PCLO: variants seen among roughly 807,000 people sequenced by gnomAD.
PCLO encodes the protein protein piccolo.
PCLO carries 82 observed loss-of-function variants against 427.5 expected under a neutral mutation model. That is an observed-to-expected ratio of 0.19 (90% confidence interval 0.16 to 0.23). The LOEUF is 0.23. PCLO is among the 10% of genes least tolerant of loss of function. The pLI is 1.00. For missense variants in PCLO, 6,239 were observed against 6,115.9 expected, an observed-to-expected ratio of 1.02 and a Z score of -0.67; for synonymous variants, 2,357 against 2,155.4, an observed-to-expected ratio of 1.09 and a Z score of -2.59.
At chr7:83,129,170 C>G (rs1288863349) in intron 3 of PCLO, among the ~76,000 whole-genome samples, 1 of 152,122 alleles carries the variant, frequency 6.6e-6, no homozygotes, top group Non-Finnish European at 1.5e-5. Context: ...CTCTCAGATA[C>G]TCATTCTCCT....
intron 3 of PCLO, among the ~76,000 whole-genome samples, chr7:83,080,475 C>T (rs886484574): frequency 6.6e-6 from 1 of 151,946 alleles, no homozygotes; most frequent in African/African-American, 2.4e-5. Context: ...TTTTTTTATA[C>T]TTAATAAGCA....
At chr7:83,145,945 T>C (rs1791983775) in intron 2 of PCLO, among the ~76,000 whole-genome samples, 1 of 152,204 alleles carries the variant, frequency 6.6e-6, no homozygotes, top group Non-Finnish European at 1.5e-5. Context: ...ATGATTAATT[T>C]ATCAAGAGGG....
chr7:82,950,399 T>C lies in PCLO; in HGVS notation c.10189A>G (p.Ile3397Val), dbSNP rs779122224. ...TTCACAACAACATCTGTTAGAGGTA[T>C]TTCTGAAACAGTGCTCAGGATACCA... ...PPGILSTVSE[I>V]PLTDVVVKEE... The change falls in exon 6 of 25, where the codon ATA becomes GTA. Residue 3397 changes from isoleucine (I) to valine (V), a missense_variant. Ile to Val is a conservative substitution (Grantham distance 29). Transcript: ENST00000333891. The C allele has an allele frequency of 1.9e-6, 3 of 1,613,774 alleles. No homozygotes were observed. The highest frequency in any genetic ancestry group is 2.2e-5 in the East Asian group (1 of 44,846).
Position 82,951,988 on chromosome 7 carries a change from C to T in PCLO, c.8965G>A (p.Gly2989Arg). The T allele has an allele frequency of 1.2e-6, 2 of 1,613,834 alleles. No individual in the cohort carries two copies. The highest frequency in any genetic ancestry group is 1.3e-5 in the African/African-American group (1 of 75,006). The change falls in exon 5 of 25, where the codon GGA becomes AGA. Residue 2989 changes from glycine (G) to arginine (R), a missense_variant. By Grantham distance (125) the Gly-to-Arg change is moderately radical (BLOSUM62 -2). Around this residue, in one of 5 missense-constraint regions of PCLO, gnomAD observed 4,677 missense variants for 4,468.4 expected, o/e 1.05. Coordinates refer to ENST00000333891, the MANE Select transcript of PCLO (RefSeq NM_033026.6). Reference sequence around the variant, plus strand: ...GTGTCAGACATGGAAGGCTTCATTCCCCCAATCCCTCTATAACCATATGGC... The same window carrying T: ...GTGTCAGACATGGAAGGCTTCATTCTCCCAATCCCTCTATAACCATATGGC... ...SGPYGYRGIGGMKPSMSDTNL... is the reference protein window; with the variant it reads ...SGPYGYRGIGRMKPSMSDTNL...
intron 3 of PCLO, among the ~76,000 whole-genome samples, chr7:83,055,884 C>T (rs1789366569): frequency 6.6e-6 from 1 of 151,938 alleles, no homozygotes; most frequent in African/African-American, 2.4e-5. Flanking sequence ...ATCTAGTAAC[C>T]AGAATGCTTC....
In PCLO at chr7:82,838,278, G is replaced by A; in HGVS notation, c.14162C>T (p.Pro4721Leu). 1 of 1,582,774 alleles carries A rather than the reference G, an allele frequency of 6.3e-7. No homozygotes were observed. Residue 4721 changes from proline (P) to leucine (L), a missense_variant, in exon 15 of 25, where the codon CCT becomes CTT. Physicochemically the swap from Pro to Leu is moderately conservative, Grantham distance 98. Transcript: ENST00000333891. ...IHILQARNLV[P>L]RDNNGYSDPF... The stretch of plus-strand genomic sequence containing the variant: ...GTCAGAATAACCATTGTTGTCTCGA[G>A]GAACAAGATTTCTTGCTTGGAGAAT...
intron 3 of PCLO, among the ~76,000 whole-genome samples, chr7:83,090,568 T>C (rs549206909): frequency 6.6e-6 from 1 of 152,308 alleles, no homozygotes; most frequent in Admixed American, 6.5e-5. Context: ...TTCCTCATTA[T>C]TAAATTAATT....
At chr7:82,917,367 G>T (rs1294208873) in intron 6 of PCLO, among the ~76,000 whole-genome samples, 1 of 151,736 alleles carries the variant, frequency 6.6e-6, no homozygotes, top group African/African-American at 2.4e-5. Flanking sequence ...AATATTTCAA[G>T]ATTTTCATGA....
intron 22 of PCLO, among the ~76,000 whole-genome samples, chr7:82,800,910 T>C (rs1791334479): frequency 6.6e-6 from 1 of 152,024 alleles, no homozygotes; most frequent in Non-Finnish European, 1.5e-5. Flanking sequence ...TATCACAGTA[T>C]TATGAAAGGT....
chr7:82,836,981 A>G (rs1584029876), intron 15 of PCLO, among the ~76,000 whole-genome samples: 1 of 152,150 alleles, frequency 6.6e-6, no homozygotes, highest in Admixed American at 6.6e-5. Context: ...CTTGAAGGGA[A>G]TATGTAATTT....
intron 9 of PCLO, chr7:82,879,935 T>C (rs2116046962): frequency 2.4e-6 from 1 of 409,420 alleles, no homozygotes; most frequent in Non-Finnish European, 4.7e-6. Flanking sequence ...TTATTTATTT[T>C]TCAGCCTTAA....
chr7:82,822,468 G>T, intron 20 of PCLO, 27 bp downstream of exon 20: 1 of 1,613,626 alleles, frequency 6.2e-7, no homozygotes, highest in Non-Finnish European at 8.5e-7. Context: ...AAGCTGCCAT[G>T]CTGAGGAATT....
intron 3 of PCLO, among the ~76,000 whole-genome samples, chr7:83,085,248 T>A (rs1790201892): frequency 6.6e-6 from 1 of 152,154 alleles, no homozygotes; most frequent in Non-Finnish European, 1.5e-5. Flanking sequence ...ACATGTTGTG[T>A]AATTTTAGTC....
chr7:83,032,253 A>G (rs1661748046), intron 3 of PCLO, among the ~76,000 whole-genome samples: 1 of 152,060 alleles, frequency 6.6e-6, no homozygotes, highest in African/African-American at 2.4e-5. Context: ...TGACAAATTC[A>G]TTATCCTTTA....
intron 22 of PCLO, among the ~76,000 whole-genome samples, chr7:82,765,512 G>A (rs1256382276): frequency 6.6e-6 from 1 of 151,918 alleles, no homozygotes; most frequent in Non-Finnish European, 1.5e-5. Context: ...AGTGAATTTA[G>A]TTAATGTCAT....
At chr7:82,852,345 G>A (rs373596981) in intron 10 of PCLO, among the ~76,000 whole-genome samples, 1 of 152,086 alleles carries the variant, frequency 6.6e-6, no homozygotes, top group African/African-American at 2.4e-5. Flanking sequence ...TGAGCTGGGA[G>A]AGGCTGACCC....
Position 82,956,777 on chromosome 7 carries a change from G to C in PCLO, c.4176C>G (p.Leu1392=). ...PTDEKDILKG[L]KKDSFSQESS... ...TTTCTTGTGAAAAAGAGTCCTTTTTGAGTCCCTTGAGAATATCCTTTTCAT... is the reference window on the plus strand; with the variant it reads ...TTTCTTGTGAAAAAGAGTCCTTTTTCAGTCCCTTGAGAATATCCTTTTCAT... The change falls in exon 5 of 25, where the codon CTC becomes CTG. Residue 1392 remains leucine (L), a synonymous_variant. Coordinates refer to ENST00000333891, the MANE Select transcript of PCLO (RefSeq NM_033026.6). 6.2e-7 allele frequency: 1 copy of C among 1,613,668 alleles called. No individual in the cohort carries two copies. Among genetic ancestry groups the C allele is most frequent in the Non-Finnish European group, 8.5e-7 (1 of 1,179,706 alleles).
At chr7:83,001,827 A>G (rs1202872032) in intron 3 of PCLO, among the ~76,000 whole-genome samples, 3 of 151,986 alleles carry the variant, frequency 2.0e-5, no homozygotes, top group Non-Finnish European at 4.4e-5. Context: ...GCTCCGATGC[A>G]CACACTTACT....
chr7:82,784,618 T>G lies in PCLO; in HGVS notation c.15007+16900A>C, dbSNP rs1018054657. Reference sequence around the variant, plus strand: ...ATCTTCCTAACTTTATCATCCTCATTACCCTCCCAACCAAAGGCAACCAGT... The same window carrying G: ...ATCTTCCTAACTTTATCATCCTCATGACCCTCCCAACCAAAGGCAACCAGT... On this transcript the variant is annotated intron_variant, in intron 22 of 24. Coordinates refer to ENST00000333891, the MANE Select transcript of PCLO (RefSeq NM_033026.6). Among the ~76,000 whole-genome samples, 80 of 152,186 alleles carry G rather than the reference T, an allele frequency of 5.3e-4. 1 individual carries two copies. The highest frequency in any genetic ancestry group is 7.3e-5 in the Non-Finnish European group (5 of 68,028).
Sources: gnomAD v4.1 joint callset for allele counts (sites outside exome capture counted in the v4.1 genomes callset) on GRCh38, gnomAD v4.1.1 for gene constraint, gnomAD v4.1.1 regional missense constraint, MANE v1.5 for transcripts, NCBI Gene and HGNC (gene_info 2026-07-23, HGNC 2026-07-21) for gene names.